Variants in CADM1 observed in about 807,000 individuals in gnomAD.
CADM1 encodes TSLC-1.
In CADM1, 15 loss-of-function variants were observed where a neutral mutation model predicts 53.1. The ratio of observed to expected loss-of-function variants is 0.28; its 90% CI spans 0.19 to 0.44. CADM1 has a LOEUF of 0.44. Among genes scored for constraint, CADM1 ranks in the 20% least tolerant of loss-of-function variants. The pLI, the probability that CADM1 is intolerant of heterozygous loss-of-function variation, is 1.00. For synonymous variants in CADM1, 281 were observed against 243.0 expected, an observed-to-expected ratio of 1.16 and a Z score of -1.45; for missense variants, 434 against 611.3, an observed-to-expected ratio of 0.71 and a Z score of 3.06.
At chr11:115,466,725 A>G (rs900294819) in intron 1 of CADM1, among the ~76,000 whole-genome samples, 3 of 152,228 alleles carry the variant, frequency 2.0e-5, no homozygotes, top group Admixed American at 1.3e-4. Flanking sequence ...TTGTGCTGCA[A>G]TAAGTCTAGA....
intron 1 of CADM1, among the ~76,000 whole-genome samples, chr11:115,455,191 G>A (rs1948656832): frequency 6.6e-6 from 1 of 152,052 alleles, no homozygotes; most frequent in South Asian, 2.1e-4. Context: ...ACTAGCTTGA[G>A]GTTTCCTTCG....
chr11:115,434,056 T>C (rs1948122016), intron 1 of CADM1, among the ~76,000 whole-genome samples: 1 of 152,232 alleles, frequency 6.6e-6, no homozygotes, highest in African/African-American at 2.4e-5. Context: ...AAATTTCCTC[T>C]AGTCTTCTGA....
chr11:115,227,629 A>G (rs1941661043), intron 5 of CADM1, among the ~76,000 whole-genome samples: 1 of 152,232 alleles, frequency 6.6e-6, no homozygotes, highest in African/African-American at 2.4e-5. Flanking sequence ...CCGTTTTCCC[A>G]TTATAGGGAC....
At chr11:115,346,476 T>A (rs1945581055) in intron 1 of CADM1, among the ~76,000 whole-genome samples, 1 of 152,114 alleles carries the variant, frequency 6.6e-6, no homozygotes, top group Non-Finnish European at 1.5e-5. Context: ...TAAGCTATCC[T>A]CCCCACCTCA....
In CADM1 at chr11:115,470,064, C is replaced by T. The variant is rs548574040; in HGVS notation, c.124+34207G>A. 2.0e-5 allele frequency among the ~76,000 whole-genome samples: 3 copies of T among 152,276 alleles called. No individual in the cohort carries two copies. The East Asian group carries it at 5.8e-4, about 29-fold the overall frequency. ...TCAGCAAAATAAAAAAATAGTAATG[C>T]CTACTTTTTACTCTTATCAGCAAAA... On this transcript the variant is annotated intron_variant, in intron 1 of 11. Coordinates refer to ENST00000331581, the MANE Select transcript of CADM1 (RefSeq NM_001301043.2).
intron 1 of CADM1, among the ~76,000 whole-genome samples, chr11:115,487,400 T>C (rs1949398720): frequency 6.6e-6 from 1 of 152,200 alleles, no homozygotes; most frequent in Admixed American, 6.5e-5. Context: ...GTCAAAATCT[T>C]GAAGGTGATG....
chr11:115,487,934 T>C (rs1443648025), intron 1 of CADM1, among the ~76,000 whole-genome samples: 2 of 152,288 alleles, frequency 1.3e-5, no homozygotes, highest in East Asian at 3.9e-4. Flanking sequence ...CATTATTTAC[T>C]TGACAGTAGG....
At chr11:115,299,192 T>C (rs117766144) in intron 1 of CADM1, among the ~76,000 whole-genome samples, 137 of 152,312 alleles carry the variant, frequency 9.0e-4, no homozygotes, top group Non-Finnish European at 1.8e-3. Flanking sequence ...TAAATGGGCA[T>C]AGACTGGGAA....
intron 1 of CADM1, among the ~76,000 whole-genome samples, chr11:115,317,267 C>T (rs1212068970): frequency 1.3e-5 from 2 of 152,120 alleles, no homozygotes; most frequent in African/African-American, 2.4e-5. Context: ...CGTGGACAGT[C>T]TTTAAAGGGT....
Position 115,169,438 on chromosome 11 carries a change from T to C in CADM1, c.*7036A>G. 2 of 373,944 alleles carry C rather than the reference T, an allele frequency of 5.3e-6. No homozygotes were observed. The highest frequency in any genetic ancestry group is 4.1e-5 in the South Asian group (2 of 49,100). 23.2% of individuals were successfully genotyped at this position (373,944 alleles called of 1,614,324 possible). Reference sequence around the variant, plus strand: ...CCATCAAGAACAGCTGTGAATGTTATACAATTTCAGCAGCAGCAATGGGCT... The same window carrying C: ...CCATCAAGAACAGCTGTGAATGTTACACAATTTCAGCAGCAGCAATGGGCT... On this transcript the variant is annotated 3_prime_UTR_variant, in exon 12 of 12. Coordinates refer to ENST00000331581, the MANE Select transcript of CADM1 (RefSeq NM_001301043.2).
intron 8 of CADM1, among the ~76,000 whole-genome samples, chr11:115,201,223 AC>A (rs1246022834): frequency 6.6e-6 from 1 of 152,204 alleles, no homozygotes; most frequent in Non-Finnish European, 1.5e-5. Flanking sequence ...TGCAGGAGAA[AC>A]ACAGGCTGGC....
chr11:115,497,723 A>G (rs1277588467), intron 1 of CADM1, among the ~76,000 whole-genome samples: 1 of 152,172 alleles, frequency 6.6e-6, no homozygotes, highest in Non-Finnish European at 1.5e-5. Context: ...ATGGTTTCCA[A>G]ACTAAGGCTT....
At chr11:115,309,760 C>T (rs1454434783) in intron 1 of CADM1, among the ~76,000 whole-genome samples, 1 of 152,102 alleles carries the variant, frequency 6.6e-6, no homozygotes, top group Non-Finnish European at 1.5e-5. Flanking sequence ...TCTCTGTGAA[C>T]CTCCACATCC....
chr11:115,242,710 A>G (rs1369294676), intron 1 of CADM1, among the ~76,000 whole-genome samples: 1 of 152,226 alleles, frequency 6.6e-6, no homozygotes, highest in Non-Finnish European at 1.5e-5. Context: ...CAAAGGAAGT[A>G]TATTAGCAAC....
At chr11:115,497,955 A>C (rs1370341318) in intron 1 of CADM1, among the ~76,000 whole-genome samples, 1 of 151,342 alleles carries the variant, frequency 6.6e-6, no homozygotes, top group African/African-American at 2.4e-5. Flanking sequence ...ATATTTAATG[A>C]AATTTTTGAG....
At chr11:115,430,305 G>A (rs1483018159) in intron 1 of CADM1, among the ~76,000 whole-genome samples, 3 of 152,190 alleles carry the variant, frequency 2.0e-5, no homozygotes, top group African/African-American at 7.2e-5. Context: ...CTAACGCTGG[G>A]CGTTTAGAGA....
chr11:115,171,141 T>C lies in CADM1; in HGVS notation c.*5333A>G, dbSNP rs900039097. 2 of 152,166 alleles carry C rather than the reference T, an allele frequency of 1.3e-5. No homozygotes were observed. Among genetic ancestry groups the C allele is most frequent in the African/African-American group, 4.8e-5 (2 of 41,430 alleles). 9.4% of individuals were successfully genotyped at this position (152,166 alleles called of 1,614,324 possible). On this transcript the variant is annotated 3_prime_UTR_variant, in exon 12 of 12. Transcript: ENST00000331581. ...GGGCCAGCGCTTCAAAAACTATACA[T>C]GTATGGCTGTGAATACAAATTTCAC...
At chr11:115,257,473 T>A (rs1391017487) in intron 1 of CADM1, among the ~76,000 whole-genome samples, 1 of 152,214 alleles carries the variant, frequency 6.6e-6, no homozygotes, top group South Asian at 2.1e-4. Flanking sequence ...ACTAAATATG[T>A]CCAAAGCACA....
chr11:115,339,251 C>T (rs953634471), intron 1 of CADM1, among the ~76,000 whole-genome samples: 1 of 152,028 alleles, frequency 6.6e-6, no homozygotes, highest in African/African-American at 2.4e-5. Context: ...ACTAGAAATA[C>T]CATTTGACCC....
Sources: allele counts gnomAD v4.1 joint callset (sites outside exome capture counted in the v4.1 genomes callset), GRCh38; gene constraint gnomAD v4.1.1; transcripts MANE v1.5; gene names NCBI Gene and HGNC (gene_info 2026-07-23, HGNC 2026-07-21).